Variants in GARRE1 observed in about 807,000 individuals in gnomAD.
The protein encoded by GARRE1 is granule associated Rac and RHOG effector 1.
In GARRE1, 49 loss-of-function variants were observed where a neutral mutation model predicts 103.2. The ratio of observed to expected loss-of-function variants is 0.47; its 90% CI spans 0.38 to 0.60. GARRE1 has a LOEUF of 0.60. Ranked by LOEUF, GARRE1 falls within the 20% of genes least tolerant of loss-of-function variation. GARRE1 has a pLI of 0.00. For missense variants in GARRE1, 1,199 were observed against 1,370.5 expected, an observed-to-expected ratio of 0.87 and a Z score of 1.98; for synonymous variants, 505 against 532.8, an observed-to-expected ratio of 0.95 and a Z score of 0.72.
chr19:34,263,773 C>A (rs2073734538), intron 1 of GARRE1, among the ~76,000 whole-genome samples: 1 of 152,188 alleles, frequency 6.6e-6, no homozygotes, highest in African/African-American at 2.4e-5. Context: ...AGGCGCGAGT[C>A]ACCGCACCCG....
In GARRE1 at chr19:34,296,499, T is replaced by G. The variant is rs574455099; in HGVS notation, c.-795-3180T>G. ...GCTGACACCCTTTGGGATCTTGGGC[T>G]TAACCTCCTTGGGCTTTACGAGGGC... On this transcript the variant is annotated intron_variant, in intron 1 of 13. Coordinates refer to ENST00000299505, the MANE Select transcript of GARRE1 (RefSeq NM_014686.5). The G allele has an allele frequency of 1.1e-5, 18 of 1,595,238 alleles. No individual in the cohort carries two copies. The Admixed American group carries it at 1.2e-4, about 10-fold the overall frequency.
At chr19:34,263,588 C>T (rs2073733337) in intron 1 of GARRE1, among the ~76,000 whole-genome samples, 1 of 151,730 alleles carries the variant, frequency 6.6e-6, no homozygotes, top group South Asian at 2.1e-4. Flanking sequence ...AGCGATTCTC[C>T]TGCCTCAGCC....
chr19:34,269,645 C>A (rs1045984319), intron 1 of GARRE1, among the ~76,000 whole-genome samples: 18 of 152,106 alleles, frequency 1.2e-4, no homozygotes, highest in Admixed American at 2.0e-4. Context: ...TCACTGCAAC[C>A]ATGAACACCT....
chr19:34,258,598 C>T (rs999611221), intron 1 of GARRE1, among the ~76,000 whole-genome samples: 8 of 151,880 alleles, frequency 5.3e-5, no homozygotes, highest in African/African-American at 1.9e-4. Flanking sequence ...TCTTGGCTAA[C>T]ATGGTGAAAC....
chr19:34,340,054 A>G (rs1214063675), intron 9 of GARRE1, 62 bp downstream of exon 9: 15 of 1,570,876 alleles, frequency 9.5e-6, no homozygotes, highest in African/African-American at 2.7e-5. Flanking sequence ...GCACAGTTTC[A>G]TGTGTGCTTG....
At chr19:34,310,393 C>T (rs980835975) in intron 2 of GARRE1, among the ~76,000 whole-genome samples, 7 of 152,244 alleles carry the variant, frequency 4.6e-5, no homozygotes, top group Non-Finnish European at 7.3e-5. Context: ...CCCACTGCCT[C>T]GGGCCAGTGC....
At chr19:34,294,493 A>G (rs1395821555) in intron 1 of GARRE1, among the ~76,000 whole-genome samples, 1 of 151,722 alleles carries the variant, frequency 6.6e-6, no homozygotes, top group Non-Finnish European at 1.5e-5. Flanking sequence ...CTGTTTTGGG[A>G]GACATTATTC....
At chr19:34,346,659 C>G (rs765991868) in intron 10 of GARRE1, among the ~76,000 whole-genome samples, 9 of 152,214 alleles carry the variant, frequency 5.9e-5, no homozygotes, top group Non-Finnish European at 1.0e-4. Context: ...TCTTGTCACC[C>G]AGGCCGGAGT....
chr19:34,349,280 C>T, intron 12 of GARRE1, 127 bp downstream of exon 12: 1 of 921,912 alleles, frequency 1.1e-6, no homozygotes, highest in Non-Finnish European at 1.6e-6. Context: ...GGGGCTCTTC[C>T]AGCAATGCCT....
intron 1 of GARRE1, 113 bp downstream of exon 1, chr19:34,254,727 C>A (rs1459984767): frequency 6.8e-6 from 1 of 147,110 alleles, no homozygotes; most frequent in East Asian, 2.0e-4. Flanking sequence ...GACGGGCCCG[C>A]GGGGCGCCGC....
intron 3 of GARRE1, among the ~76,000 whole-genome samples, chr19:34,323,029 T>C (rs1314987374): frequency 2.8e-4 from 34 of 122,122 alleles, no homozygotes; most frequent in East Asian, 1.4e-3. Flanking sequence ...TTTTCTTTTT[T>C]TTTTTTTTTT....
chr19:34,307,909 G>T (rs570195399), intron 2 of GARRE1, among the ~76,000 whole-genome samples: 1 of 149,822 alleles, frequency 6.7e-6, no homozygotes, highest in African/African-American at 2.5e-5. Context: ...AGCTTCCCGC[G>T]TATCTGAGAC....
chr19:34,279,324 A>G (rs1258441974), intron 1 of GARRE1, among the ~76,000 whole-genome samples: 1 of 152,038 alleles, frequency 6.6e-6, no homozygotes, highest in Non-Finnish European at 1.5e-5. Context: ...TTTTTGAGAC[A>G]GTGTCTCGCT....
rs1334316802 is a variant in GARRE1 at position 34,328,128 on chromosome 19, G to A, written c.1081G>A (p.Ala361Thr). 13 of 1,613,828 alleles carry A rather than the reference G, an allele frequency of 8.1e-6. No homozygotes were observed. In the Admixed American group the frequency reaches 8.3e-5, roughly 10 times the overall value. The change falls in exon 6 of 14, where the codon GCC becomes ACC. Residue 361 changes from alanine (A) to threonine (T), a missense_variant. Ala to Thr is a moderately conservative substitution (Grantham distance 58). Coordinates refer to ENST00000299505, the MANE Select transcript of GARRE1 (RefSeq NM_014686.5). ...GGGCGTCTCCTTTAATGAGTCGGCCGCCGACAATCTGAAACTTAAGACGGT... is the reference window on the plus strand; with the variant it reads ...GGGCGTCTCCTTTAATGAGTCGGCCACCGACAATCTGAAACTTAAGACGGT... ...LKGVSFNESAADNLKLKTHTM... is the reference protein window; with the variant it reads ...LKGVSFNESATDNLKLKTHTM...
intron 2 of GARRE1, among the ~76,000 whole-genome samples, chr19:34,312,530 A>G (rs2074041898): frequency 6.6e-6 from 1 of 152,218 alleles, no homozygotes. Context: ...CCTCGTATAA[A>G]TGGAATCATA....
intron 3 of GARRE1, among the ~76,000 whole-genome samples, chr19:34,326,127 T>C (rs1389144794): frequency 2.6e-5 from 4 of 152,244 alleles, no homozygotes; most frequent in African/African-American, 9.6e-5. Flanking sequence ...GTGAGCTAAA[T>C]ATTTGACTGA....
At chr19:34,350,631 G>A (rs1182776148) in intron 12 of GARRE1, among the ~76,000 whole-genome samples, 1 of 152,162 alleles carries the variant, frequency 6.6e-6, no homozygotes, top group African/African-American at 2.4e-5. Flanking sequence ...GCCCAGGCTG[G>A]AGTGCAGTGG....
chr19:34,347,410 A>T (rs1421175969), intron 10 of GARRE1, among the ~76,000 whole-genome samples: 4 of 152,202 alleles, frequency 2.6e-5, no homozygotes, highest in African/African-American at 9.6e-5. Flanking sequence ...TAATTTTTGT[A>T]GAGATGAGGT....
In GARRE1 at chr19:34,353,702, G is replaced by T. The variant is rs2074253813; in HGVS notation, c.*747G>T. On this transcript the variant is annotated 3_prime_UTR_variant, in exon 14 of 14. Transcript: ENST00000299505. ...TTGTGCCGGAGGTACACTGCTGAAGGTGCGTGGCGGTGGACCAGCCAGCTG... is the reference window on the plus strand; with the variant it reads ...TTGTGCCGGAGGTACACTGCTGAAGTTGCGTGGCGGTGGACCAGCCAGCTG... 1 of 152,216 alleles carries T rather than the reference G, an allele frequency of 6.6e-6. No homozygotes were observed. The highest frequency in any genetic ancestry group is 2.4e-5 in the African/African-American group (1 of 41,444). 9.4% of individuals were successfully genotyped at this position (152,216 alleles called of 1,614,324 possible).
Sources: gnomAD v4.1 joint callset for allele counts (sites outside exome capture counted in the v4.1 genomes callset) on GRCh38, gnomAD v4.1.1 for gene constraint, MANE v1.5 for transcripts, NCBI Gene and HGNC (gene_info 2026-07-23, HGNC 2026-07-21) for gene names.